PPP1R9A: variants seen among roughly 807,000 people sequenced by gnomAD.
PPP1R9A encodes the protein protein phosphatase 1 regulatory subunit 9A.
A neutral mutation model predicts 141.9 loss-of-function variants in PPP1R9A; 59 were observed. The ratio of observed to expected loss-of-function variants is 0.42; its 90% CI spans 0.34 to 0.52. PPP1R9A has a LOEUF of 0.52. Among genes scored for constraint, PPP1R9A ranks in the 20% least tolerant of loss-of-function variants. PPP1R9A has a pLI of 0.10. For missense variants in PPP1R9A, 1,444 were observed against 1,611.9 expected, an observed-to-expected ratio of 0.90 and a Z score of 1.78; for synonymous variants, 500 against 569.7, an observed-to-expected ratio of 0.88 and a Z score of 1.74.
chr7:95,080,103 G>C, intron 2 of PPP1R9A, among the ~76,000 whole-genome samples: 1 of 152,154 alleles, frequency 6.6e-6, no homozygotes, highest in Non-Finnish European at 1.5e-5. Context: ...TTAGGCAGGA[G>C]AAGGAAATAA....
At chr7:95,284,516 T>C (rs962542513) in intron 17 of PPP1R9A, among the ~76,000 whole-genome samples, 186 bp downstream of exon 17, 1 of 152,220 alleles carries the variant, frequency 6.6e-6, no homozygotes, top group Admixed American at 6.5e-5. Flanking sequence ...AAAGATGCAT[T>C]TGAATCATAG....
chr7:95,284,501 C>T (rs1804910897), intron 17 of PPP1R9A, among the ~76,000 whole-genome samples, 171 bp downstream of exon 17: 1 of 152,174 alleles, frequency 6.6e-6, no homozygotes, highest in African/African-American at 2.4e-5. Flanking sequence ...TTAAGCCATG[C>T]TGGGAAAGAT....
At chr7:94,946,319 A>T (rs1357998369) in intron 2 of PPP1R9A, among the ~76,000 whole-genome samples, 1 of 152,110 alleles carries the variant, frequency 6.6e-6, no homozygotes, top group Admixed American at 6.6e-5. Context: ...TAGTATTAGG[A>T]CTTGCCTTTT....
intron 5 of PPP1R9A, among the ~76,000 whole-genome samples, chr7:95,186,338 G>A (rs924388355): frequency 6.6e-6 from 1 of 152,080 alleles, no homozygotes; most frequent in Non-Finnish European, 1.5e-5. Context: ...GTGTACAGCA[G>A]TGCTACTGAT....
At chr7:95,213,574 T>A in intron 7 of PPP1R9A, among the ~76,000 whole-genome samples, 1 of 152,108 alleles carries the variant, frequency 6.6e-6, no homozygotes, top group East Asian at 1.9e-4. Context: ...TCCACCCACC[T>A]CAGCCTTCCA....
intron 2 of PPP1R9A, among the ~76,000 whole-genome samples, chr7:95,068,490 A>AAAG (rs894665275): frequency 9.3e-5 from 14 of 151,114 alleles, no homozygotes; most frequent in African/African-American, 3.4e-4. Flanking sequence ...AAAAAAAAAA[A>AAAG]AAAAAGACAA....
intron 2 of PPP1R9A, among the ~76,000 whole-genome samples, chr7:95,092,096 TTTAG>T (rs1247408545): frequency 6.6e-6 from 1 of 152,182 alleles, no homozygotes; most frequent in African/African-American, 2.4e-5. Flanking sequence ...TATTTCTCTC[TTTAG>T]GCATTTTTGA....
chr7:95,046,881 C>T (rs952237356), intron 2 of PPP1R9A, among the ~76,000 whole-genome samples: 3 of 152,226 alleles, frequency 2.0e-5, no homozygotes, highest in Non-Finnish European at 4.4e-5. Context: ...ATGTTTATAA[C>T]CACCTTGGTA....
chr7:95,011,036 T>C (rs1211876585), intron 2 of PPP1R9A, among the ~76,000 whole-genome samples: 1 of 152,182 alleles, frequency 6.6e-6, no homozygotes, highest in Non-Finnish European at 1.5e-5. Flanking sequence ...TCTCTTTACA[T>C]TTGGCCTAAG....
At chr7:95,001,878 C>T (rs1472783566) in intron 2 of PPP1R9A, among the ~76,000 whole-genome samples, 1 of 152,096 alleles carries the variant, frequency 6.6e-6, no homozygotes, top group African/African-American at 2.4e-5. Flanking sequence ...ACAAGGGAAA[C>T]CATAGAGCTC....
rs374214129 is a variant in PPP1R9A at position 95,284,228 on chromosome 7, A to C, written c.3507A>C (p.Thr1169=). Residue 1169 remains threonine, a synonymous_variant, in exon 17 of 20, where the codon ACA becomes ACC. Coordinates refer to ENST00000433360, the MANE Select transcript of PPP1R9A (RefSeq NM_001166160.2). ...AAAAGGGGTCCAAGGTAGAAAACAC[A>C]TGGATTACAAAAGCAAACAAGAGAA... The part of the protein sequence containing the change: ...SDKKGSKVEN[T]WITKANKRNP... 1 of 1,567,198 alleles carries C rather than the reference A, an allele frequency of 6.4e-7. No individual in the cohort carries two copies. Among genetic ancestry groups the C allele is most frequent in the African/African-American group, 1.3e-5 (1 of 74,258 alleles).
At chr7:94,983,021 T>G (rs368010252) in intron 2 of PPP1R9A, among the ~76,000 whole-genome samples, 25 of 152,320 alleles carry the variant, frequency 1.6e-4, no homozygotes, top group East Asian at 1.2e-3. Flanking sequence ...GGATCCAGTT[T>G]CAGCTTTCTA....
intron 8 of PPP1R9A, among the ~76,000 whole-genome samples, chr7:95,241,279 C>A (rs1022380014): frequency 6.6e-6 from 1 of 152,108 alleles, no homozygotes; most frequent in African/African-American, 2.4e-5. Flanking sequence ...GCTTTCTGAG[C>A]AAATATGGAA....
chr7:95,208,966 A>AAAC (rs1791478731), intron 7 of PPP1R9A, among the ~76,000 whole-genome samples: 1 of 149,102 alleles, frequency 6.7e-6, no homozygotes, highest in African/African-American at 2.4e-5. Flanking sequence ...TAAAAAAAAA[A>AAAC]AAAAAAAAAA....
intron 9 of PPP1R9A, among the ~76,000 whole-genome samples, chr7:95,248,931 T>C (rs1246552943): frequency 3.3e-5 from 5 of 152,194 alleles, no homozygotes; most frequent in African/African-American, 9.6e-5. Flanking sequence ...TTACTTTTGC[T>C]AAGTGCTATA....
At chr7:95,074,938 G>T (rs747434276) in intron 2 of PPP1R9A, among the ~76,000 whole-genome samples, 3 of 152,034 alleles carry the variant, frequency 2.0e-5, no homozygotes, top group Admixed American at 6.5e-5. Context: ...AAGATATATT[G>T]TAAGTGGAGT....
At chr7:95,264,780 G>C (rs1801004120) in intron 12 of PPP1R9A, among the ~76,000 whole-genome samples, 1 of 152,120 alleles carries the variant, frequency 6.6e-6, no homozygotes. Flanking sequence ...TCAGAGACTG[G>C]AGGGTCTGAG....
intron 7 of PPP1R9A, among the ~76,000 whole-genome samples, chr7:95,210,839 C>T (rs1297674595): frequency 1.3e-5 from 2 of 152,130 alleles, no homozygotes; most frequent in East Asian, 3.9e-4. Context: ...GAGTTAATGT[C>T]CTTTGCAAGG....
chr7:95,187,316 G>A (rs931548123), intron 5 of PPP1R9A, among the ~76,000 whole-genome samples: 4 of 152,030 alleles, frequency 2.6e-5, no homozygotes, highest in Admixed American at 2.6e-4. Context: ...GGTGTTTATA[G>A]TAGCCTTGAA....
Sources: gnomAD v4.1 joint callset for allele counts (sites outside exome capture counted in the v4.1 genomes callset) on GRCh38, gnomAD v4.1.1 for gene constraint, MANE v1.5 for transcripts, NCBI Gene and HGNC (gene_info 2026-07-23, HGNC 2026-07-21) for gene names.